Variants in FAM53B observed in about 807,000 individuals in gnomAD.
FAM53B encodes the protein protein FAM53B.
A neutral mutation model predicts 32.7 loss-of-function variants in FAM53B; 12 were observed. The observed-to-expected ratio is 0.37, with a 90% CI of 0.24 to 0.59. The LOEUF (loss-of-function observed/expected upper bound fraction) is 0.59. FAM53B is among the 20% of genes least tolerant of loss of function. The pLI is 0.72. For missense variants in FAM53B, 477 were observed against 577.7 expected (o/e 0.83, Z 1.79); for synonymous variants, 234 against 228.7 (o/e 1.02, Z -0.21).
At position 124,681,802 on chromosome 10, in the gene FAM53B, G is replaced by A; in HGVS notation, c.711C>T (p.Ser237=). ...CTGAGGGAGGACAGTATTCCACAAA[G>A]GAAAACTGCTCATGTGAGCAAGAGA... is the stretch of plus-strand genomic sequence containing the variant. The part of the protein sequence containing the change: ...RSLSCSHEQF[S]FVEYCPPSAN... The change falls in exon 4 of 5, where the codon TCC becomes TCT. Residue 237 remains serine (S), a synonymous_variant. Transcript: ENST00000337318. 1 of 1,610,542 alleles carries A rather than the reference G, an allele frequency of 6.2e-7. No individual in the cohort carries two copies. Among genetic ancestry groups the A allele is most frequent in the Non-Finnish European group, 8.5e-7 (1 of 1,178,388 alleles).
At chr10:124,721,473 G>A (rs1274419358) in intron 1 of FAM53B, among the ~76,000 whole-genome samples, 1 of 152,230 alleles carries the variant, frequency 6.6e-6, no homozygotes, top group African/African-American at 2.4e-5. Context: ...AGCTGACCTT[G>A]TCCTGCAGGG....
chr10:124,641,009 G>A (rs967313261), intron 4 of FAM53B, among the ~76,000 whole-genome samples: 2 of 152,198 alleles, frequency 1.3e-5, no homozygotes, highest in African/African-American at 4.8e-5. Context: ...ACCCCGCCTA[G>A]GTGACAAATG....
intron 3 of FAM53B, among the ~76,000 whole-genome samples, chr10:124,685,485 C>T (rs1466803335): frequency 6.6e-6 from 1 of 152,234 alleles, no homozygotes. Flanking sequence ...GGCACTGAGG[C>T]ACCAGATGGG....
At position 124,623,275 on chromosome 10, in the gene FAM53B, G is replaced by A. The variant is rs1949323409; in HGVS notation, c.1236C>T (p.Gly412=). Residue 412 remains glycine (G), a synonymous_variant, in exon 5 of 5, where the codon GGC becomes GGT. Transcript: ENST00000337318. ...APGNSLCSLD[G]ELDIEQIEKN Reference sequence around the variant, plus strand: ...TCTCTATCTGCTCAATGTCCAACTCGCCGTCCAGGGAGCAGAGGCTGTTCC... The same window carrying A: ...TCTCTATCTGCTCAATGTCCAACTCACCGTCCAGGGAGCAGAGGCTGTTCC... The A allele has an allele frequency of 1.9e-6, 3 of 1,609,900 alleles. No homozygotes were observed. Among genetic ancestry groups the A allele is most frequent in the South Asian group, 1.1e-5 (1 of 90,788 alleles).
At chr10:124,706,979 G>T in intron 1 of FAM53B, 92 bp from the exon 2 acceptor site, 1 of 1,201,586 alleles carries the variant, frequency 8.3e-7, no homozygotes, top group Non-Finnish European at 1.1e-6. Flanking sequence ...AAATCCCAGG[G>T]GACTGGAACC....
At chr10:124,694,902 T>A in intron 3 of FAM53B, among the ~76,000 whole-genome samples, 1 of 151,866 alleles carries the variant, frequency 6.6e-6, no homozygotes, top group East Asian at 1.9e-4. Context: ...AAGAAAACAG[T>A]CTCCCTTCGT....
chr10:124,657,193 T>A (rs898089340), intron 4 of FAM53B, among the ~76,000 whole-genome samples: 245 of 148,164 alleles, frequency 1.7e-3, no homozygotes, highest in Non-Finnish European at 3.1e-3. Flanking sequence ...TATATATATA[T>A]AAGAAATGGC....
At chr10:124,740,382 A>C (rs949068318) in intron 1 of FAM53B, among the ~76,000 whole-genome samples, 1 of 152,236 alleles carries the variant, frequency 6.6e-6, no homozygotes, top group African/African-American at 2.4e-5. Flanking sequence ...ACCCTAGGGA[A>C]CGGTAAATTG....
Position 124,681,941 on chromosome 10 carries a change from C to T in FAM53B, c.572G>A (p.Gly191Glu), listed in dbSNP as rs746538913. 1.3e-4 allele frequency: 205 copies of T among 1,613,904 alleles called. No individual in the cohort carries two copies. Among genetic ancestry groups the T allele is most frequent in the Non-Finnish European group, 1.6e-4 (185 of 1,180,016 alleles). Residue 191 changes from glycine to glutamate, a missense_variant, in exon 4 of 5, where the codon GGA becomes GAA. This residue lies in a region of FAM53B where 312 missense variants were observed against 420.2 expected (regional missense o/e 0.74). Transcript: ENST00000337318. ...TGGCACCCCTTGGCAGGGCTGCCCT[C>T]CAAATCGGTGGTGGAGTCCTGCCTG... is the stretch of plus-strand genomic sequence containing the variant. ...CDQAGLHHRF[G>E]GQPCQGVPGS...
intron 2 of FAM53B, among the ~76,000 whole-genome samples, chr10:124,706,126 C>T (rs1248319820): frequency 1.3e-5 from 2 of 152,214 alleles, no homozygotes; most frequent in South Asian, 2.1e-4. Flanking sequence ...TGCGCTAGTC[C>T]ACCAAGTGGT....
intron 4 of FAM53B, among the ~76,000 whole-genome samples, chr10:124,631,605 G>C (rs1949391547): frequency 6.6e-6 from 1 of 152,188 alleles, no homozygotes; most frequent in Admixed American, 6.5e-5. Context: ...CCGCCACGCA[G>C]GCCAGAGCCC....
At chr10:124,670,635 T>C (rs1186885465) in intron 4 of FAM53B, among the ~76,000 whole-genome samples, 1 of 152,202 alleles carries the variant, frequency 6.6e-6, no homozygotes, top group African/African-American at 2.4e-5. Flanking sequence ...CCTCTGGGGC[T>C]TGCCTTCCCT....
At chr10:124,739,974 AC>A (rs1056892260) in intron 1 of FAM53B, among the ~76,000 whole-genome samples, 4 of 152,168 alleles carry the variant, frequency 2.6e-5, no homozygotes, top group Non-Finnish European at 4.4e-5. Flanking sequence ...AACAAAAAAA[AC>A]GACAAGAAAA....
chr10:124,647,520 G>A (rs1005982702), intron 4 of FAM53B, among the ~76,000 whole-genome samples: 50 of 152,320 alleles, frequency 3.3e-4, no homozygotes, highest in African/African-American at 6.7e-4. Context: ...CACCACATGC[G>A]GGAGCTTTCC....
intron 1 of FAM53B, among the ~76,000 whole-genome samples, chr10:124,727,140 T>A (rs1346751845): frequency 6.6e-6 from 1 of 152,146 alleles, no homozygotes; most frequent in Non-Finnish European, 1.5e-5. Context: ...CGTCTCAGCC[T>A]CCCAGTTGCT....
intron 1 of FAM53B, among the ~76,000 whole-genome samples, chr10:124,709,480 G>C (rs2134087899): frequency 6.6e-6 from 1 of 152,306 alleles, no homozygotes; most frequent in East Asian, 1.9e-4. Flanking sequence ...GAAAGGAGAA[G>C]GCAGGTGTAG....
At chr10:124,704,790 A>G (rs2134083992) in intron 2 of FAM53B, among the ~76,000 whole-genome samples, 1 of 152,354 alleles carries the variant, frequency 6.6e-6, no homozygotes, top group African/African-American at 2.4e-5. Flanking sequence ...GACAGCTCTG[A>G]CTGGGATTCT....
intron 3 of FAM53B, among the ~76,000 whole-genome samples, chr10:124,689,153 G>C (rs1199380007): frequency 2.0e-5 from 3 of 152,190 alleles, no homozygotes; most frequent in Non-Finnish European, 4.4e-5. Context: ...GGGCCACAAA[G>C]ATTCTATGCT....
intron 2 of FAM53B, among the ~76,000 whole-genome samples, chr10:124,704,978 C>T (rs1375270273): frequency 6.6e-6 from 1 of 152,182 alleles, no homozygotes; most frequent in Non-Finnish European, 1.5e-5. Flanking sequence ...AGCAGAAGAG[C>T]TGAATGGTCA....
Sources: allele counts gnomAD v4.1 joint callset (sites outside exome capture counted in the v4.1 genomes callset), GRCh38; gene constraint gnomAD v4.1.1; regional missense constraint gnomAD v4.1.1; transcripts MANE v1.5; gene names NCBI Gene and HGNC (gene_info 2026-07-23, HGNC 2026-07-21).